ENPP6: variants seen among roughly 807,000 people sequenced by gnomAD.
The protein encoded by ENPP6 is ectonucleotide pyrophosphatase/phosphodiesterase 6.
In ENPP6, 32 loss-of-function variants were observed where a neutral mutation model predicts 42.0. The ratio of observed to expected loss-of-function variants is 0.76; its 90% confidence interval spans 0.58 to 1.02. The LOEUF is 1.02. ENPP6 is among the 50% of genes least tolerant of loss of function. The probability of loss-of-function intolerance (pLI) is 0.00; values close to 1 mark genes in which losing one functional copy is unlikely to be tolerated. For missense variants in ENPP6, 552 were observed against 566.8 expected (o/e 0.97, Z 0.27); for synonymous variants, 213 against 216.0 (o/e 0.99, Z 0.12).
At chr4:184,111,764 C>T (rs1177566776) in intron 6 of ENPP6, among the ~76,000 whole-genome samples, 3 of 152,208 alleles carry the variant, frequency 2.0e-5, no homozygotes, top group Non-Finnish European at 4.4e-5. Flanking sequence ...TGTTACATGT[C>T]ACACAACCCC....
intron 1 of ENPP6, among the ~76,000 whole-genome samples, chr4:184,180,305 C>T (rs866406804): frequency 2.1e-4 from 32 of 152,028 alleles, no homozygotes; most frequent in African/African-American, 7.7e-4. Context: ...CAAGACTGAA[C>T]CAGAAAGAAG....
Position 184,212,930 on chromosome 4 carries a change from C to T in ENPP6, c.241+4649G>A, listed in dbSNP as rs1248837063. Among the ~76,000 whole-genome samples the T allele has an allele frequency of 7.2e-5, 11 of 152,072 alleles. No homozygotes were observed. In the South Asian group the frequency reaches 1.0e-3, roughly 14 times the overall value. ...AACAAAACAGAGCCCTCAGAAATAA[C>T]GCCGCATATCTACAACTATCTGATC... On this transcript the variant is annotated intron_variant, in intron 1 of 7. Transcript: ENST00000296741.
In ENPP6 at chr4:184,208,578, G is replaced by C. The variant is rs545779077; in HGVS notation, c.241+9001C>G. Among the ~76,000 whole-genome samples, 836 of 151,766 alleles carry C rather than the reference G, an allele frequency of 5.5e-3. 5 individuals are homozygous for C. Among genetic ancestry groups the C allele is most frequent in the African/African-American group, 0.012 (510 of 41,396 alleles). Reference sequence around the variant, plus strand: ...ACGAGATTATAACCCGCACCTGGCTGGGAGGGTCCTACGCCCACGGAGTCT... The same window carrying C: ...ACGAGATTATAACCCGCACCTGGCTCGGAGGGTCCTACGCCCACGGAGTCT... On this transcript the variant is annotated intron_variant, in intron 1 of 7. Transcript: ENST00000296741.
At chr4:184,127,561 T>C (rs562170747) in intron 2 of ENPP6, among the ~76,000 whole-genome samples, 4 of 152,346 alleles carry the variant, frequency 2.6e-5, no homozygotes, top group Admixed American at 2.6e-4. Context: ...AGCTTGAGAC[T>C]GGCCTGGCTA....
intron 2 of ENPP6, among the ~76,000 whole-genome samples, chr4:184,127,070 C>T (rs547635362): frequency 1.0e-3 from 156 of 152,194 alleles, no homozygotes; most frequent in African/African-American, 3.6e-3. Context: ...ACATAAAATA[C>T]ATTTTTAAAA....
chr4:184,214,593 A>G (rs1032565958), intron 1 of ENPP6, among the ~76,000 whole-genome samples: 1 of 152,362 alleles, frequency 6.6e-6, no homozygotes, highest in Admixed American at 6.5e-5. Context: ...AATGCCCATC[A>G]ATGATAGACT....
At chr4:184,173,533 G>A (rs35813271) in intron 1 of ENPP6, among the ~76,000 whole-genome samples, 13,733 of 152,236 alleles carry the variant, frequency 0.09, 715 homozygotes, top group South Asian at 0.16. Flanking sequence ...CCTACTTGTA[G>A]CTGGTGCCCA....
intron 2 of ENPP6, among the ~76,000 whole-genome samples, chr4:184,142,271 C>A (rs1172120117): frequency 6.6e-6 from 1 of 152,262 alleles, no homozygotes; most frequent in Non-Finnish European, 1.5e-5. Context: ...CATCTTGTAA[C>A]AATAACCCCT....
At position 184,107,783 on chromosome 4, in the gene ENPP6, C is replaced by T. The variant is rs368246478; in HGVS notation, c.993+4889G>A. Among the ~76,000 whole-genome samples, 480 of 152,082 alleles carry T rather than the reference C, an allele frequency of 3.2e-3. 2 individuals carry two copies. Among genetic ancestry groups the T allele is most frequent in the East Asian group, 0.016 (83 of 5,162 alleles). ...ACAAAAAATTAGCCGGGCGTGGTGG[C>T]GGGCGCCTGTTGTCCCAGCTACTCG... On this transcript the variant is annotated intron_variant, in intron 6 of 7. Transcript: ENST00000296741.
intron 1 of ENPP6, 123 bp from the exon 2 acceptor site, chr4:184,153,856 C>T: frequency 8.9e-7 from 1 of 1,121,394 alleles, no homozygotes; most frequent in Admixed American, 3.5e-5. Context: ...TAAAGATTTG[C>T]TTTTGACTTT....
chr4:184,125,872 A>G (rs568786985), intron 2 of ENPP6, among the ~76,000 whole-genome samples: 48 of 152,310 alleles, frequency 3.2e-4, no homozygotes, highest in South Asian at 4.1e-4. Flanking sequence ...TTGAATGACT[A>G]TATCACTTTA....
rs564788357 is a variant in ENPP6 at position 184,135,853 on chromosome 4, C to T, written c.422-11581G>A. 3.9e-5 allele frequency among the ~76,000 whole-genome samples: 6 copies of T among 152,266 alleles called. No homozygotes were observed. The East Asian group carries it at 1.2e-3, about 29-fold the overall frequency. ...GGGTGAATACTGTTCTAACACTGCA[C>T]ATTAGCTTCACCTGTTTTGAATTTT... On this transcript the variant is annotated intron_variant, in intron 2 of 7. Transcript: ENST00000296741.
intron 6 of ENPP6, 72 bp from the exon 7 acceptor site, chr4:184,097,440 C>A: frequency 6.3e-7 from 1 of 1,589,762 alleles, no homozygotes; most frequent in Non-Finnish European, 8.6e-7. Context: ...TGCTCCAAGC[C>A]GCCACTCCAC....
intron 6 of ENPP6, among the ~76,000 whole-genome samples, chr4:184,109,744 A>C (rs1736167844): frequency 6.6e-6 from 1 of 152,210 alleles, no homozygotes; most frequent in African/African-American, 2.4e-5. Flanking sequence ...TCAATAGCTA[A>C]GCATTCTTCC....
chr4:184,149,959 C>A (rs918879126), intron 2 of ENPP6, among the ~76,000 whole-genome samples: 1 of 152,070 alleles, frequency 6.6e-6, no homozygotes, highest in Non-Finnish European at 1.5e-5. Flanking sequence ...TTTTCCTCAC[C>A]GCCCCCAACC....
At position 184,091,249 on chromosome 4, in the gene ENPP6, G is replaced by C. The variant is rs142602934; in HGVS notation, c.1251C>G (p.Arg417=). ...WSRVMCMLKG[R]ASTAPPVWPS... ...GCCAGACAGGCGGGGCAGTGCTGGC[G>C]CGGCCCTTCAGCATGCACATCACCC... The change falls in exon 8 of 8, where the codon CGC becomes CGG. Residue 417 remains arginine (R), a synonymous_variant. Coordinates refer to ENST00000296741, the MANE Select transcript of ENPP6 (RefSeq NM_153343.4). The C allele has an allele frequency of 6.2e-7, 1 of 1,603,514 alleles. No individual in the cohort carries two copies. The highest frequency in any genetic ancestry group is 2.2e-5 in the East Asian group (1 of 44,840).
At chr4:184,151,167 G>C (rs1454666121) in intron 2 of ENPP6, among the ~76,000 whole-genome samples, 2 of 152,146 alleles carry the variant, frequency 1.3e-5, no homozygotes, top group African/African-American at 4.8e-5. Context: ...GTAAAACCCT[G>C]TCTCTACCAA....
At chr4:184,183,511 AC>A in intron 1 of ENPP6, among the ~76,000 whole-genome samples, 1 of 148,788 alleles carries the variant, frequency 6.7e-6, no homozygotes, top group Middle Eastern at 3.2e-3. Context: ...ACACACACAC[AC>A]ACACACATTC....
chr4:184,132,692 A>C lies in ENPP6; in HGVS notation c.422-8420T>G, dbSNP rs1407241461. 2.6e-5 allele frequency among the ~76,000 whole-genome samples: 4 copies of C among 151,978 alleles called. No individual in the cohort carries two copies. In the East Asian group the frequency reaches 5.8e-4, roughly 22 times the overall value. ...GCCTTATGTTTTCCATTTTACGTTT[A>C]GATCTACAATCCATCAGGAATTACC... is the stretch of plus-strand genomic sequence containing the variant. On this transcript the variant is annotated intron_variant, in intron 2 of 7. Transcript: ENST00000296741.
Sources: allele counts gnomAD v4.1 joint callset (sites outside exome capture counted in the v4.1 genomes callset), GRCh38; gene constraint gnomAD v4.1.1; transcripts MANE v1.5; gene names NCBI Gene and HGNC (gene_info 2026-07-23, HGNC 2026-07-21).